The following MVB12B variants were observed in gnomAD, a reference collection of about 807,000 sequenced individuals.
MVB12B encodes ESCRT-I complex subunit MVB12B.
In MVB12B, 16 loss-of-function variants were observed where a neutral mutation model predicts 41.6. The ratio of observed to expected loss-of-function variants is 0.38; its 90% CI spans 0.26 to 0.58. MVB12B has a LOEUF of 0.58. Among genes scored for constraint, MVB12B ranks in the 20% least tolerant of loss-of-function variants. MVB12B has a pLI of 0.62. For synonymous variants in MVB12B, 133 were observed against 139.7 expected (o/e 0.95, Z 0.34); for missense variants, 274 against 380.2 (o/e 0.72, Z 2.32).
chr9:126,370,964 T>A (rs1208299838), intron 2 of MVB12B, among the ~76,000 whole-genome samples: 2 of 152,192 alleles, frequency 1.3e-5, no homozygotes, highest in African/African-American at 4.8e-5. Context: ...AGTTTGGAAG[T>A]TTTGCTTTTC....
chr9:126,471,880 C>T (rs992562259), intron 7 of MVB12B, among the ~76,000 whole-genome samples: 1 of 152,176 alleles, frequency 6.6e-6, no homozygotes, highest in Non-Finnish European at 1.5e-5. Context: ...ACCAGCATCT[C>T]TGCAAGTACT....
intron 9 of MVB12B, among the ~76,000 whole-genome samples, chr9:126,487,277 C>T (rs910040846): frequency 2.0e-5 from 3 of 152,216 alleles, no homozygotes; most frequent in Non-Finnish European, 4.4e-5. Context: ...CTCAGTGCTG[C>T]TGGCTGCCAC....
intron 2 of MVB12B, among the ~76,000 whole-genome samples, chr9:126,349,390 G>C (rs1489758091): frequency 6.6e-6 from 1 of 152,138 alleles, no homozygotes; most frequent in Non-Finnish European, 1.5e-5. Flanking sequence ...GCTTCTGCAA[G>C]ACCTCAGGAT....
chr9:126,489,868 G>A (rs1833696515), intron 9 of MVB12B, among the ~76,000 whole-genome samples: 1 of 152,182 alleles, frequency 6.6e-6, no homozygotes, highest in Non-Finnish European at 1.5e-5. Context: ...CTGGTCAGTG[G>A]CAGCCTCGTG....
intron 2 of MVB12B, among the ~76,000 whole-genome samples, chr9:126,343,827 C>A (rs1241598519): frequency 6.6e-6 from 1 of 152,032 alleles, no homozygotes; most frequent in African/African-American, 2.4e-5. Context: ...TGAGGCAGGA[C>A]AATCGATTGA....
chr9:126,415,897 G>A (rs1831806094), intron 6 of MVB12B, among the ~76,000 whole-genome samples: 1 of 152,178 alleles, frequency 6.6e-6, no homozygotes. Context: ...CAGAAGGGTG[G>A]CCTGACTGGG....
At chr9:126,452,974 A>G (rs1832912191) in intron 7 of MVB12B, among the ~76,000 whole-genome samples, 1 of 151,922 alleles carries the variant, frequency 6.6e-6, no homozygotes, top group Admixed American at 6.6e-5. Context: ...ATGAGGTTTA[A>G]TTTTTAAAAG....
At chr9:126,452,201 C>G (rs924701627) in intron 7 of MVB12B, among the ~76,000 whole-genome samples, 1 of 152,252 alleles carries the variant, frequency 6.6e-6, no homozygotes, top group Non-Finnish European at 1.5e-5. Context: ...CCAGGGCTCC[C>G]AGGGAGAATG....
chr9:126,501,735 G>A (rs1833962599), intron 9 of MVB12B, among the ~76,000 whole-genome samples: 1 of 152,238 alleles, frequency 6.6e-6, no homozygotes, highest in Non-Finnish European at 1.5e-5. Context: ...GATGGCTTTT[G>A]GGCCCCACTG....
chr9:126,482,377 T>A lies in MVB12B; in HGVS notation c.813+953T>A, dbSNP rs188961968. Reference sequence around the variant, plus strand: ...AAACCACCCGGCTTGCGATTTGACCTGCTCTGTAGTTTCCATTTTCGTGAA... The same window carrying A: ...AAACCACCCGGCTTGCGATTTGACCAGCTCTGTAGTTTCCATTTTCGTGAA... On this transcript the variant is annotated intron_variant, in intron 8 of 9. Coordinates refer to ENST00000361171, the MANE Select transcript of MVB12B (RefSeq NM_033446.3). Among the ~76,000 whole-genome samples, 50 of 152,392 alleles carry A rather than the reference T, an allele frequency of 3.3e-4. 1 individual carries two copies. The highest frequency in any genetic ancestry group is 1.1e-3 in the African/African-American group (44 of 41,598).
At chr9:126,350,342 A>G (rs1441058160) in intron 2 of MVB12B, among the ~76,000 whole-genome samples, 2 of 152,160 alleles carry the variant, frequency 1.3e-5, no homozygotes, top group Admixed American at 1.3e-4. Flanking sequence ...ATTTTGATGA[A>G]GTCCAATTTA....
intron 6 of MVB12B, among the ~76,000 whole-genome samples, chr9:126,403,913 G>GTAC (rs1447062366): frequency 5.3e-5 from 8 of 150,182 alleles, no homozygotes; most frequent in Non-Finnish European, 1.2e-4. Context: ...TAGGTGTGAG[G>GTAC]TACTGTTCAA....
At chr9:126,490,636 G>A (rs1222584782) in intron 9 of MVB12B, among the ~76,000 whole-genome samples, 1 of 152,218 alleles carries the variant, frequency 6.6e-6, no homozygotes, top group African/African-American at 2.4e-5. Flanking sequence ...CGAAAGATGA[G>A]GGAGGGTCTA....
chr9:126,483,002 CCA>C (rs1178282954), intron 8 of MVB12B, among the ~76,000 whole-genome samples: 1 of 152,250 alleles, frequency 6.6e-6, no homozygotes, highest in Non-Finnish European at 1.5e-5. Context: ...TCCTCAGACT[CCA>C]GAGCTGGCCT....
At chr9:126,475,109 T>G (rs1833395471) in intron 7 of MVB12B, among the ~76,000 whole-genome samples, 1 of 151,648 alleles carries the variant, frequency 6.6e-6, no homozygotes, top group African/African-American at 2.4e-5. Flanking sequence ...AGTTGGGTTT[T>G]CGGACCTACA....
chr9:126,375,360 A>AGGC (rs1830449374), intron 2 of MVB12B, among the ~76,000 whole-genome samples: 2 of 45,768 alleles, frequency 4.4e-5, no homozygotes, highest in African/African-American at 1.9e-4. Context: ...TTTTAAATTG[A>AGGC]TTCTTTTTTT....
intron 4 of MVB12B, among the ~76,000 whole-genome samples, chr9:126,388,269 C>T (rs1222060921): frequency 2.0e-5 from 3 of 152,198 alleles, no homozygotes; most frequent in Admixed American, 2.0e-4. Context: ...CTGGACATCT[C>T]ATATAAATGG....
At chr9:126,457,110 C>T (rs905910873) in intron 7 of MVB12B, among the ~76,000 whole-genome samples, 2 of 152,188 alleles carry the variant, frequency 1.3e-5, no homozygotes, top group African/African-American at 4.8e-5. Flanking sequence ...TTATTCCTCC[C>T]AGAGTAGAGC....
rs1834037697 is a variant in MVB12B, at chr9:126,504,983, A to ATGTC, written c.*1723_*1726dup. On this transcript the variant is annotated 3_prime_UTR_variant, in exon 10 of 10. Coordinates refer to ENST00000361171, the MANE Select transcript of MVB12B (RefSeq NM_033446.3). ...CCTGTGGCACCCACAGGGGGCACCT[A>ATGTC]TGTCTGCCGTGGCTCCTCGGGTGGT... 6.6e-6 allele frequency: 1 copy of ATGTC among 152,144 alleles called. No individual in the cohort carries two copies. Among genetic ancestry groups the ATGTC allele is most frequent in the African/African-American group, 2.4e-5 (1 of 41,410 alleles). The allele number at this position is 152,144 out of a possible 1,614,324, so 9.4% of individuals were successfully genotyped here. A position where few individuals can be genotyped will look rare whatever the true frequency, so the allele number is the denominator to read the frequency against.
Sources: gnomAD v4.1 joint callset for allele counts (sites outside exome capture counted in the v4.1 genomes callset) on GRCh38, gnomAD v4.1.1 for gene constraint, MANE v1.5 for transcripts, NCBI Gene and HGNC (gene_info 2026-07-23, HGNC 2026-07-21) for gene names.